The following DCDC2 variants were observed in gnomAD, a reference collection of about 807,000 sequenced individuals.
DCDC2 encodes doublecortin domain-containing protein 2.
Under a neutral mutation model 50.2 loss-of-function variants are expected in DCDC2, and 40 were observed. The observed-to-expected ratio is 0.80, with a 90% CI of 0.62 to 1.04. DCDC2 has a LOEUF of 1.04. DCDC2 is among the 50% of genes least tolerant of loss of function. The probability of loss-of-function intolerance (pLI) is 0.00; values close to 1 mark genes in which losing one functional copy is unlikely to be tolerated. For missense variants in DCDC2, 570 were observed against 581.9 expected, an observed-to-expected ratio of 0.98 and a Z score of 0.21; for synonymous variants, 234 against 210.6, an observed-to-expected ratio of 1.11 and a Z score of -0.96.
intron 2 of DCDC2, among the ~76,000 whole-genome samples, chr6:24,349,044 T>C (rs749042795): frequency 1.8e-4 from 28 of 152,116 alleles, no homozygotes; most frequent in Non-Finnish European, 5.9e-5. Flanking sequence ...AATTCCACCT[T>C]GAATGGTTAT....
intron 8 of DCDC2, among the ~76,000 whole-genome samples, chr6:24,191,528 T>G (rs1274366419): frequency 6.6e-6 from 1 of 152,168 alleles, no homozygotes; most frequent in African/African-American, 2.4e-5. Context: ...TAGGGAGTGC[T>G]ACAGCCTGTG....
At chr6:24,376,883 C>G in the DCDC2 span, among the ~76,000 whole-genome samples, 1 of 150,784 alleles carries the variant, frequency 6.6e-6, no homozygotes, top group Non-Finnish European at 1.5e-5. Flanking sequence ...GATGCAACCA[C>G]ATACCTACTT....
At chr6:24,182,254 G>A (rs528418276) in intron 8 of DCDC2, among the ~76,000 whole-genome samples, 13 of 152,136 alleles carry the variant, frequency 8.5e-5, no homozygotes, top group African/African-American at 1.7e-4. Context: ...TGGACTTGGT[G>A]GTAATTTCTT....
the DCDC2 span, among the ~76,000 whole-genome samples, chr6:24,370,581 G>A: frequency 1.1e-4 from 16 of 152,006 alleles, no homozygotes; most frequent in South Asian, 6.3e-4. Flanking sequence ...GTGGTGGCAC[G>A]CACCTGTAGT....
chr6:24,365,983 A>C, the DCDC2 span, among the ~76,000 whole-genome samples: 1 of 151,688 alleles, frequency 6.6e-6, no homozygotes, highest in Non-Finnish European at 1.5e-5. Flanking sequence ...AAGCCTGGCT[A>C]ATTTTTGTAT....
At chr6:24,263,695 A>C (rs1763059388) in intron 7 of DCDC2, among the ~76,000 whole-genome samples, 2 of 152,198 alleles carry the variant, frequency 1.3e-5, no homozygotes, top group African/African-American at 4.8e-5. Context: ...GAGACAAACA[A>C]AAAAGAATTT....
At chr6:24,306,644 G>A (rs1375555929) in intron 2 of DCDC2, among the ~76,000 whole-genome samples, 1 of 152,066 alleles carries the variant, frequency 6.6e-6, no homozygotes, top group Non-Finnish European at 1.5e-5. Context: ...TTACCCTGCT[G>A]GAATGGGATG....
intron 2 of DCDC2, among the ~76,000 whole-genome samples, chr6:24,317,477 A>G (rs935106501): frequency 3.1e-4 from 47 of 152,096 alleles, no homozygotes; most frequent in African/African-American, 1.0e-3. Context: ...CATATCTTAT[A>G]CTATAGACAA....
intron 7 of DCDC2, among the ~76,000 whole-genome samples, chr6:24,256,985 TAC>T: frequency 1.3e-5 from 2 of 152,336 alleles, no homozygotes; most frequent in Non-Finnish European, 2.9e-5. Context: ...CAGTTTTCTC[TAC>T]ACAGAGCCAT....
At chr6:24,272,545 T>C (rs1293226552) in intron 7 of DCDC2, among the ~76,000 whole-genome samples, 1 of 152,060 alleles carries the variant, frequency 6.6e-6, no homozygotes, top group Non-Finnish European at 1.5e-5. Flanking sequence ...CATTAAAAAG[T>C]GGGCAAAGGA....
chr6:24,237,019 A>C (rs1170236404), intron 7 of DCDC2, among the ~76,000 whole-genome samples: 1 of 151,796 alleles, frequency 6.6e-6, no homozygotes, highest in African/African-American at 2.4e-5. Flanking sequence ...CAAAAAAAAA[A>C]AGAAGAAGTG....
intron 7 of DCDC2, among the ~76,000 whole-genome samples, chr6:24,276,383 A>C (rs979177296): frequency 2.0e-5 from 3 of 150,068 alleles, no homozygotes; most frequent in Admixed American, 6.8e-5. Flanking sequence ...CACAGAAAAG[A>C]AGCAAATAAC....
intron 8 of DCDC2, among the ~76,000 whole-genome samples, chr6:24,190,268 G>T (rs1474739982): frequency 1.3e-5 from 2 of 152,144 alleles, no homozygotes; most frequent in African/African-American, 4.8e-5. Flanking sequence ...ATGATAAACT[G>T]AAAACATACT....
intron 2 of DCDC2, among the ~76,000 whole-genome samples, chr6:24,324,229 T>A (rs1759821224): frequency 6.6e-6 from 1 of 152,068 alleles, no homozygotes; most frequent in Non-Finnish European, 1.5e-5. Flanking sequence ...TCAAAAAATG[T>A]AAGAAGCTCG....
intron 7 of DCDC2, among the ~76,000 whole-genome samples, chr6:24,258,655 C>T (rs1267311769): frequency 6.6e-6 from 1 of 152,160 alleles, no homozygotes; most frequent in African/African-American, 2.4e-5. Context: ...CAAGTTGAAT[C>T]CTGAGTCACT....
chr6:24,181,784 C>T (rs1452109310), intron 8 of DCDC2, among the ~76,000 whole-genome samples: 2 of 152,048 alleles, frequency 1.3e-5, no homozygotes, highest in African/African-American at 2.4e-5. Flanking sequence ...CAATGCAATC[C>T]CTGTTGTTTT....
chr6:24,273,899 G>A (rs1763294889), intron 7 of DCDC2, among the ~76,000 whole-genome samples: 2 of 152,142 alleles, frequency 1.3e-5, no homozygotes, highest in Admixed American at 6.5e-5. Flanking sequence ...CACCACACCT[G>A]CTCCCAATCA....
At chr6:24,342,306 C>T (rs574227421) in intron 2 of DCDC2, among the ~76,000 whole-genome samples, 2 of 152,298 alleles carry the variant, frequency 1.3e-5, no homozygotes, top group South Asian at 2.1e-4. Context: ...AATTGTGTTA[C>T]TTTTTTGCTT....
chr6:24,193,758 G>C (rs536052754), intron 8 of DCDC2, among the ~76,000 whole-genome samples: 1 of 152,050 alleles, frequency 6.6e-6, no homozygotes, highest in Non-Finnish European at 1.5e-5. Flanking sequence ...GTGTTTGTAT[G>C]TATGTGGCCC....
Sources: gnomAD v4.1 joint callset for allele counts (sites outside exome capture counted in the v4.1 genomes callset) on GRCh38, gnomAD v4.1.1 for gene constraint, MANE v1.5 for transcripts, NCBI Gene and HGNC (gene_info 2026-07-23, HGNC 2026-07-21) for gene names.